MAP7: variants seen among roughly 807,000 people sequenced by gnomAD.
MAP7 encodes the protein microtubule associated protein 7.
Under a neutral mutation model 94.8 loss-of-function variants are expected in MAP7, and 52 were observed. The observed-to-expected ratio is 0.55, with a 90% confidence interval of 0.44 to 0.69. MAP7 has a LOEUF of 0.69. Ranked by LOEUF, MAP7 falls within the 30% of genes least tolerant of loss-of-function variation. The pLI, the probability that MAP7 is intolerant of heterozygous loss-of-function variation, is 0.00. For missense variants in MAP7, 940 were observed against 964.6 expected (o/e 0.97, Z 0.34); for synonymous variants, 350 against 357.0 (o/e 0.98, Z 0.22).
chr6:136,503,498 G>A (rs915826810), intron 1 of MAP7, among the ~76,000 whole-genome samples: 3 of 152,000 alleles, frequency 2.0e-5, no homozygotes, highest in Admixed American at 6.6e-5. Flanking sequence ...CCACAGATCC[G>A]CACAGTGCTG....
At chr6:136,439,040 TCA>T (rs537520378) in intron 1 of MAP7, among the ~76,000 whole-genome samples, 109 of 152,352 alleles carry the variant, frequency 7.2e-4, no homozygotes, top group Middle Eastern at 3.4e-3. Context: ...AGTGAGATCT[TCA>T]TTTTATGTTC....
At chr6:136,500,611 C>T (rs896383907) in intron 1 of MAP7, among the ~76,000 whole-genome samples, 19 of 152,284 alleles carry the variant, frequency 1.2e-4, no homozygotes, top group East Asian at 1.9e-4. Context: ...GGAATGCTGA[C>T]GTAGCAAAGT....
chr6:136,421,751 G>C lies in MAP7; in HGVS notation c.116C>G (p.Pro39Arg), dbSNP rs1191906987. 1.9e-6 allele frequency: 3 copies of C among 1,613,938 alleles called. No individual in the cohort carries two copies. Among genetic ancestry groups the C allele is most frequent in the Admixed American group, 3.3e-5 (2 of 59,994 alleles). The change falls in exon 2 of 18, where the codon CCT becomes CGT. Residue 39 changes from proline to arginine, a missense_variant. Pro to Arg is a moderately radical substitution (Grantham distance 103). Transcript: ENST00000354570. ...VQDKKNASSR[P>R]ASAISGQNNN... ...ATTTTGTCCTGAAATTGCAGAGGCAGGGCGGCTGGAGGCATTTTTCTTATC... is the reference window on the plus strand; with the variant it reads ...ATTTTGTCCTGAAATTGCAGAGGCACGGCGGCTGGAGGCATTTTTCTTATC...
At chr6:136,431,492 C>CTTTACTTATTTA (rs10652461) in intron 1 of MAP7, among the ~76,000 whole-genome samples, 15 of 145,352 alleles carry the variant, frequency 1.0e-4, no homozygotes. Flanking sequence ...CTTTTTAATG[C>CTTTACTTATTTA]TTTATTTATT....
At chr6:136,393,216 C>G (rs1416797263) in intron 3 of MAP7, among the ~76,000 whole-genome samples, 2 of 152,160 alleles carry the variant, frequency 1.3e-5, no homozygotes, top group Admixed American at 6.5e-5. Context: ...GATCCCATCT[C>G]CTTAATGCAC....
intron 1 of MAP7, among the ~76,000 whole-genome samples, chr6:136,458,275 A>G (rs189611027): frequency 7.2e-4 from 110 of 152,298 alleles, no homozygotes; most frequent in African/African-American, 2.4e-3. Flanking sequence ...AGAAATTTTA[A>G]AAGATACAAA....
intron 1 of MAP7, among the ~76,000 whole-genome samples, chr6:136,500,563 T>C (rs1819538056): frequency 6.6e-6 from 1 of 152,236 alleles, no homozygotes. Flanking sequence ...TTTCAGGTTT[T>C]GTAGTAATGT....
chr6:136,485,764 A>G (rs972848718), intron 1 of MAP7, among the ~76,000 whole-genome samples: 2 of 151,682 alleles, frequency 1.3e-5, no homozygotes, highest in Admixed American at 6.6e-5. Context: ...GGGTTTCACC[A>G]TTTTAACCGG....
chr6:136,516,934 G>A (rs1202363651), intron 1 of MAP7, among the ~76,000 whole-genome samples: 2 of 148,108 alleles, frequency 1.4e-5, no homozygotes, highest in South Asian at 2.1e-4. Flanking sequence ...GCACACGAGC[G>A]CACATGCACA....
intron 1 of MAP7, among the ~76,000 whole-genome samples, chr6:136,479,803 T>C (rs1812149644): frequency 6.6e-6 from 1 of 152,116 alleles, no homozygotes; most frequent in South Asian, 2.1e-4. Flanking sequence ...AAGTGAAAGA[T>C]ATCTTCAAGT....
chr6:136,421,627 T>G, intron 2 of MAP7, 74 bp downstream of exon 2: 1 of 1,384,850 alleles, frequency 7.2e-7, no homozygotes, highest in Admixed American at 1.8e-5. Context: ...AATTAAACCT[T>G]TATAATCATC....
At chr6:136,529,229 C>T (rs2129055702) in intron 1 of MAP7, among the ~76,000 whole-genome samples, 1 of 152,312 alleles carries the variant, frequency 6.6e-6, no homozygotes, top group East Asian at 1.9e-4. Context: ...ATTCTCCTGC[C>T]TCAGCCTCCT....
intron 3 of MAP7, among the ~76,000 whole-genome samples, chr6:136,411,318 A>G (rs1023895638): frequency 2.0e-5 from 3 of 152,232 alleles, no homozygotes; most frequent in African/African-American, 4.8e-5. Flanking sequence ...CATGTAAAAA[A>G]GAACAATATG....
intron 1 of MAP7, among the ~76,000 whole-genome samples, chr6:136,460,024 C>T (rs1196257795): frequency 6.6e-6 from 1 of 151,948 alleles, no homozygotes; most frequent in Non-Finnish European, 1.5e-5. Flanking sequence ...CTCCACAATC[C>T]CACTTTTGAG....
intron 3 of MAP7, among the ~76,000 whole-genome samples, chr6:136,398,973 T>G (rs1329419164): frequency 2.0e-5 from 3 of 152,194 alleles, no homozygotes; most frequent in Non-Finnish European, 4.4e-5. Flanking sequence ...TATATTTTAC[T>G]GCTGTATGAG....
At chr6:136,445,734 C>A (rs1333627045) in intron 1 of MAP7, among the ~76,000 whole-genome samples, 1 of 152,098 alleles carries the variant, frequency 6.6e-6, no homozygotes, top group Non-Finnish European at 1.5e-5. Flanking sequence ...TTCCAAGAAG[C>A]CATATTCATG....
intron 16 of MAP7, among the ~76,000 whole-genome samples, chr6:136,349,059 A>G (rs1788436666): frequency 1.3e-5 from 2 of 152,142 alleles, no homozygotes; most frequent in Admixed American, 1.3e-4. Flanking sequence ...CTCTGTTCCC[A>G]TTCTGATATT....
At chr6:136,466,100 A>G (rs1291433308) in intron 1 of MAP7, among the ~76,000 whole-genome samples, 1 of 152,218 alleles carries the variant, frequency 6.6e-6, no homozygotes, top group East Asian at 1.9e-4. Context: ...TGTGTGACTC[A>G]CTGTTTACAT....
rs191345823 is a variant in MAP7, at chr6:136,519,807, T to C, written c.67+30535A>G. On this transcript the variant is annotated intron_variant, in intron 1 of 17. Coordinates refer to ENST00000354570, the MANE Select transcript of MAP7 (RefSeq NM_003980.6). ...TAGCTAACAAAAGGGACAGAAAGCA[T>C]TATTAACCTTAATATTCACAAAGTG... Among the ~76,000 whole-genome samples the C allele has an allele frequency of 1.7e-4, 26 of 152,328 alleles. No homozygotes were observed. The East Asian group carries it at 3.5e-3, about 20-fold the overall frequency.
Sources: gnomAD v4.1 joint callset for allele counts (sites outside exome capture counted in the v4.1 genomes callset) on GRCh38, gnomAD v4.1.1 for gene constraint, MANE v1.5 for transcripts, NCBI Gene and HGNC (gene_info 2026-07-23, HGNC 2026-07-21) for gene names.